The following TENM3 variants were observed in gnomAD, a reference collection of about 807,000 sequenced individuals.
The protein encoded by TENM3 is teneurin-3.
A neutral mutation model predicts 255.1 loss-of-function variants in TENM3; 63 were observed. The ratio of observed to expected loss-of-function variants is 0.25; its 90% CI spans 0.20 to 0.30. TENM3 has a LOEUF of 0.30. Among genes scored for constraint, TENM3 ranks in the 10% least tolerant of loss-of-function variants. The probability of loss-of-function intolerance (pLI) is 1.00; values close to 1 mark genes in which losing one functional copy is unlikely to be tolerated. For missense variants in TENM3, 2,929 were observed against 3,461.1 expected, an observed-to-expected ratio of 0.85 and a Z score of 3.86; for synonymous variants, 1,306 against 1,322.3, an observed-to-expected ratio of 0.99 and a Z score of 0.27.
chr4:181,771,721 G>C, the TENM3 span, among the ~76,000 whole-genome samples: 6 of 152,326 alleles, frequency 3.9e-5, no homozygotes, highest in African/African-American at 1.2e-4. Context: ...TGCAGATTCT[G>C]GTTAAGTAGT....
chr4:182,691,515 G>A (rs1757004569), intron 12 of TENM3, among the ~76,000 whole-genome samples: 1 of 152,174 alleles, frequency 6.6e-6, no homozygotes. Flanking sequence ...AATAGGTTAT[G>A]AATTTGGAGT....
chr4:182,225,228 T>A (rs1330309480), intron 1 of TENM3, among the ~76,000 whole-genome samples: 2 of 152,074 alleles, frequency 1.3e-5, no homozygotes, highest in Non-Finnish European at 2.9e-5. Flanking sequence ...ACGGCAGCAA[T>A]TATTGTTGTT....
At chr4:182,627,803 C>G (rs1010823817) in intron 4 of TENM3, among the ~76,000 whole-genome samples, 6 of 151,996 alleles carry the variant, frequency 3.9e-5, no homozygotes, top group Non-Finnish European at 8.8e-5. Flanking sequence ...TTTTACAGTG[C>G]TCTTGTCATG....
rs534308116 is a variant in TENM3 at position 182,547,987 on chromosome 4, G to A, written c.512-52937G>A. The stretch of plus-strand genomic sequence containing the variant: ...AGTCCCAGCACTTTGGGAGGTCAAG[G>A]TGGGAGGATCAGTTAAGCCCGGTAG... On this transcript the variant is annotated intron_variant, in intron 3 of 27. Transcript: ENST00000511685. Among the ~76,000 whole-genome samples, 137 of 152,200 alleles carry A rather than the reference G, an allele frequency of 9.0e-4. 4 individuals are homozygous for A. The highest frequency in any genetic ancestry group is 3.2e-3 in the African/African-American group (132 of 41,508).
the TENM3 span, among the ~76,000 whole-genome samples, chr4:182,121,727 G>A: frequency 5.3e-5 from 8 of 152,214 alleles, no homozygotes; most frequent in Admixed American, 3.3e-4. Flanking sequence ...TGCTGATGGA[G>A]TATCTTGCGT....
At chr4:182,234,165 G>A (rs541965655) in intron 1 of TENM3, among the ~76,000 whole-genome samples, 1 of 152,208 alleles carries the variant, frequency 6.6e-6, no homozygotes, top group African/African-American at 2.4e-5. Flanking sequence ...ACAACCCTTG[G>A]ATTGTCAGTC....
upstream of TENM3, among the ~76,000 whole-genome samples, chr4:182,140,994 C>T (rs1286755712): frequency 4.7e-5 from 7 of 149,950 alleles, no homozygotes; most frequent in African/African-American, 1.5e-4. Context: ...TATCCCTCCC[C>T]CCCGCCCCCC....
the TENM3 span, among the ~76,000 whole-genome samples, chr4:181,639,641 G>T: frequency 6.6e-6 from 1 of 152,224 alleles, no homozygotes; most frequent in East Asian, 1.9e-4. Context: ...TTGGGAGGCT[G>T]AGGCCGGAGA....
At chr4:181,591,470 C>T in the TENM3 span, among the ~76,000 whole-genome samples, 1 of 152,098 alleles carries the variant, frequency 6.6e-6, no homozygotes, top group Admixed American at 6.5e-5. Context: ...TGGAAACAAC[C>T]CAAATGTCCA....
chr4:181,935,519 T>G, the TENM3 span, among the ~76,000 whole-genome samples: 1 of 152,174 alleles, frequency 6.6e-6, no homozygotes, highest in African/African-American at 2.4e-5. Context: ...TTCAGTCTAG[T>G]CTCTCTCTGC....
At chr4:182,217,871 G>T (rs1459481480) in intron 1 of TENM3, among the ~76,000 whole-genome samples, 2 of 152,104 alleles carry the variant, frequency 1.3e-5, no homozygotes, top group Non-Finnish European at 1.5e-5. Context: ...AAAAAGAAAG[G>T]TATTCTGCCT....
intron 1 of TENM3, among the ~76,000 whole-genome samples, chr4:182,298,855 C>T (rs936827309): frequency 1.3e-5 from 2 of 151,338 alleles, no homozygotes; most frequent in Non-Finnish European, 2.9e-5. Flanking sequence ...CACCTGTAAT[C>T]CCGGCTACTC....
At chr4:182,759,716 GA>G (rs1762991301) in intron 22 of TENM3, among the ~76,000 whole-genome samples, 1 of 152,186 alleles carries the variant, frequency 6.6e-6, no homozygotes, top group African/African-American at 2.4e-5. Context: ...AGAATTCTAG[GA>G]GAAGAAAGCC....
At chr4:182,140,307 A>G (rs371857587), upstream of TENM3, among the ~76,000 whole-genome samples, 1 of 151,882 alleles carries the variant, frequency 6.6e-6, no homozygotes, top group Non-Finnish European at 1.5e-5. Context: ...CCCATCACCT[A>G]TTTGCTGTTC....
intron 5 of TENM3, among the ~76,000 whole-genome samples, chr4:182,634,295 G>A (rs1360355560): frequency 1.3e-5 from 2 of 152,064 alleles, no homozygotes; most frequent in South Asian, 2.1e-4. Context: ...CATTTGGATA[G>A]TACAAGTCTA....
chr4:182,596,139 A>G (rs1031012567), intron 3 of TENM3, among the ~76,000 whole-genome samples: 2 of 152,162 alleles, frequency 1.3e-5, no homozygotes, highest in African/African-American at 2.4e-5. Context: ...ATCCAAAAAA[A>G]TTTGAGTTAG....
the TENM3 span, among the ~76,000 whole-genome samples, chr4:181,667,886 CT>C: frequency 2.6e-5 from 4 of 152,154 alleles, no homozygotes; most frequent in Non-Finnish European, 5.9e-5. Context: ...GTAGTAACCA[CT>C]TGTCCTCTGT....
chr4:181,971,361 A>G, the TENM3 span, among the ~76,000 whole-genome samples: 8 of 152,172 alleles, frequency 5.3e-5, no homozygotes, highest in African/African-American at 1.7e-4. Flanking sequence ...CAAAAAATGG[A>G]GGGAGGAAGA....
At chr4:182,730,437 C>A in intron 15 of TENM3, 118 bp downstream of exon 15, 2 of 1,130,174 alleles carry the variant, frequency 1.8e-6, no homozygotes, top group Non-Finnish European at 2.5e-6. Flanking sequence ...ACTTTTTAGA[C>A]TCTACAAACT....
Sources: gnomAD v4.1 joint callset for allele counts (sites outside exome capture counted in the v4.1 genomes callset) on GRCh38, gnomAD v4.1.1 for gene constraint, MANE v1.5 for transcripts, NCBI Gene and HGNC (gene_info 2026-07-23, HGNC 2026-07-21) for gene names.